HMBOX1: variants seen among roughly 807,000 people sequenced by gnomAD.
HMBOX1 encodes homeobox-containing protein 1.
HMBOX1 carries 14 observed loss-of-function variants against 54.5 expected under a neutral mutation model. The ratio of observed to expected loss-of-function variants is 0.26; its 90% CI spans 0.17 to 0.40. The LOEUF (loss-of-function observed/expected upper bound fraction) is 0.40. HMBOX1 is among the 10% of genes least tolerant of loss of function. HMBOX1 has a pLI of 1.00. For synonymous variants in HMBOX1, 160 were observed against 181.0 expected (o/e 0.88, Z 0.93); for missense variants, 332 against 514.4 (o/e 0.65, Z 3.43).
chr8:28,911,609 G>A (rs1212412785), intron 1 of HMBOX1, among the ~76,000 whole-genome samples: 1 of 152,006 alleles, frequency 6.6e-6, no homozygotes. Flanking sequence ...ACCCACCTCG[G>A]CCTCCCAAAA....
intron 4 of HMBOX1, among the ~76,000 whole-genome samples, chr8:29,001,237 C>A (rs1832592593): frequency 6.6e-6 from 1 of 152,132 alleles, no homozygotes; most frequent in Admixed American, 6.5e-5. Context: ...GAAATCTATA[C>A]CCAAAGTTAT....
chr8:28,963,401 G>A (rs562536969), intron 1 of HMBOX1, among the ~76,000 whole-genome samples: 2 of 152,284 alleles, frequency 1.3e-5, no homozygotes, highest in Admixed American at 1.3e-4. Flanking sequence ...TATATCATTA[G>A]TCATTGTTGG....
At chr8:28,989,692 G>T (rs1830698660) in intron 4 of HMBOX1, among the ~76,000 whole-genome samples, 2 of 152,136 alleles carry the variant, frequency 1.3e-5, no homozygotes, top group South Asian at 4.2e-4. Flanking sequence ...TAGGTCTTTT[G>T]TATTTTTATG....
chr8:28,950,246 C>G (rs1436788802), intron 1 of HMBOX1, among the ~76,000 whole-genome samples: 1 of 152,150 alleles, frequency 6.6e-6, no homozygotes, highest in East Asian at 1.9e-4. Flanking sequence ...TTTAAAAATA[C>G]TCTTGGACCC....
intron 6 of HMBOX1, among the ~76,000 whole-genome samples, chr8:29,020,118 C>A (rs1183354788): frequency 6.6e-6 from 1 of 152,194 alleles, no homozygotes; most frequent in Admixed American, 6.5e-5. Flanking sequence ...CATTTACAAT[C>A]TGCTCTGCTT....
chr8:28,917,533 T>G (rs1374581926), intron 1 of HMBOX1, among the ~76,000 whole-genome samples: 1 of 152,140 alleles, frequency 6.6e-6, no homozygotes. Flanking sequence ...TTCCAGTCTG[T>G]GCTTTTTTTT....
chr8:29,000,359 A>C (rs1832463218), intron 4 of HMBOX1, among the ~76,000 whole-genome samples: 1 of 152,198 alleles, frequency 6.6e-6, no homozygotes, highest in African/African-American at 2.4e-5. Flanking sequence ...TTTCCTATAC[A>C]TCTTCATAGC....
At chr8:28,957,661 C>T (rs896488702) in intron 1 of HMBOX1, among the ~76,000 whole-genome samples, 1 of 152,160 alleles carries the variant, frequency 6.6e-6, no homozygotes, top group Non-Finnish European at 1.5e-5. Flanking sequence ...CTTGCTCTGC[C>T]GCCCAGGCTG....
At chr8:28,952,795 A>G (rs925980951) in intron 1 of HMBOX1, among the ~76,000 whole-genome samples, 1 of 152,230 alleles carries the variant, frequency 6.6e-6, no homozygotes, top group Non-Finnish European at 1.5e-5. Context: ...ACTGTATGTA[A>G]TAATTCTTTT....
chr8:28,976,416 T>C (rs972177205), intron 3 of HMBOX1, among the ~76,000 whole-genome samples: 1 of 152,176 alleles, frequency 6.6e-6, no homozygotes, highest in Non-Finnish European at 1.5e-5. Context: ...TTGTTGTTGT[T>C]AGATGGAGTC....
intron 6 of HMBOX1, among the ~76,000 whole-genome samples, chr8:29,041,456 G>A (rs1804808316): frequency 1.3e-5 from 2 of 152,188 alleles, no homozygotes; most frequent in South Asian, 4.1e-4. Flanking sequence ...ACTATCATTA[G>A]TGGGGAGCGC....
chr8:29,033,225 A>G (rs374134920), intron 6 of HMBOX1, among the ~76,000 whole-genome samples: 48 of 152,320 alleles, frequency 3.2e-4, no homozygotes, highest in Middle Eastern at 3.4e-3. Context: ...CTAAGAGAAC[A>G]TGCTGGAAGA....
chr8:28,894,285 A>G (rs1209942766), intron 1 of HMBOX1, among the ~76,000 whole-genome samples: 1 of 152,176 alleles, frequency 6.6e-6, no homozygotes, highest in African/African-American at 2.4e-5. Flanking sequence ...CATACATAAA[A>G]TACTTTTATG....
chr8:29,043,576 C>T (rs558351200), intron 6 of HMBOX1, among the ~76,000 whole-genome samples: 2 of 152,326 alleles, frequency 1.3e-5, no homozygotes, highest in East Asian at 3.9e-4. Flanking sequence ...ATCTGCTTTT[C>T]GTTTTTGTAT....
At chr8:28,931,320 C>G (rs1377692397) in intron 1 of HMBOX1, among the ~76,000 whole-genome samples, 1 of 152,204 alleles carries the variant, frequency 6.6e-6, no homozygotes, top group African/African-American at 2.4e-5. Flanking sequence ...CGTGGAAACA[C>G]TAGTTTTGCT....
At chr8:28,967,549 T>C (rs981130811) in intron 2 of HMBOX1, among the ~76,000 whole-genome samples, 29 of 152,324 alleles carry the variant, frequency 1.9e-4, no homozygotes, top group Admixed American at 8.5e-4. Context: ...CTAACTGCTC[T>C]GATATGAATA....
At chr8:29,016,303 T>C (rs1438214645) in intron 5 of HMBOX1, among the ~76,000 whole-genome samples, 1 of 152,098 alleles carries the variant, frequency 6.6e-6, no homozygotes, top group Non-Finnish European at 1.5e-5. Context: ...AGATAGAAAT[T>C]CACAAGAAAA....
rs1401263510 is a variant in HMBOX1 at position 28,974,484 on chromosome 8, AC to A, written c.500+3966del. Among the ~76,000 whole-genome samples, 4 of 152,320 alleles carry A rather than the reference AC, an allele frequency of 2.6e-5. No homozygotes were observed. In the South Asian group the frequency reaches 8.3e-4, roughly 32 times the overall value. On this transcript the variant is annotated intron_variant, in intron 3 of 9. Coordinates refer to ENST00000287701, the MANE Select transcript of HMBOX1 (RefSeq NM_001135726.3). ...TATCAGAATTTATTAATAATGCCAT[AC>A]ATTAAGGATATTATTCTTAACAACC...
intron 4 of HMBOX1, among the ~76,000 whole-genome samples, chr8:28,998,887 T>C (rs1832236985): frequency 6.6e-6 from 1 of 152,124 alleles, no homozygotes; most frequent in Non-Finnish European, 1.5e-5. Context: ...TTTAATAGTA[T>C]AGAAAAACAT....
Sources: gnomAD v4.1 joint callset for allele counts (sites outside exome capture counted in the v4.1 genomes callset) on GRCh38, gnomAD v4.1.1 for gene constraint, MANE v1.5 for transcripts, NCBI Gene and HGNC (gene_info 2026-07-23, HGNC 2026-07-21) for gene names.